Variants in TRAPPC9 observed in about 807,000 individuals in gnomAD.
TRAPPC9 encodes the protein trafficking protein particle complex subunit 9.
TRAPPC9 carries 83 observed loss-of-function variants against 124.0 expected under a neutral mutation model. The ratio of observed to expected loss-of-function variants is 0.67; its 90% CI spans 0.56 to 0.80. The LOEUF is 0.80. Ranked by LOEUF, TRAPPC9 falls within the 30% of genes least tolerant of loss-of-function variation. The pLI, the probability that TRAPPC9 is intolerant of heterozygous loss-of-function variation, is 0.00. For missense variants in TRAPPC9, 1,302 were observed against 1,508.3 expected, an observed-to-expected ratio of 0.86 and a Z score of 2.27; for synonymous variants, 638 against 617.5, an observed-to-expected ratio of 1.03 and a Z score of -0.49.
chr8:140,451,814 T>C (rs1245637924), intron 1 of TRAPPC9, among the ~76,000 whole-genome samples: 1 of 152,078 alleles, frequency 6.6e-6, no homozygotes, highest in East Asian at 1.9e-4. Context: ...AGCTACAAAA[T>C]AGTGGTGATA....
intron 21 of TRAPPC9, among the ~76,000 whole-genome samples, chr8:139,789,277 G>T (rs1822487705): frequency 6.6e-6 from 1 of 152,206 alleles, no homozygotes; most frequent in African/African-American, 2.4e-5. Context: ...TGCCTTGAGG[G>T]GAGCTGCGTG....
chr8:139,993,874 T>C (rs1007333680), intron 18 of TRAPPC9, among the ~76,000 whole-genome samples: 8 of 152,226 alleles, frequency 5.3e-5, no homozygotes, highest in Admixed American at 5.2e-4. Context: ...TAGTCATTCA[T>C]GCTAAGAGAG....
rs1817790281 is a variant in TRAPPC9, at chr8:139,731,114, A to T, written c.3394T>A (p.Ser1132Thr). The change falls in exon 23 of 23, where the codon TCT becomes ACT. Residue 1132 changes from serine to threonine, a missense_variant. Coordinates refer to ENST00000438773, the MANE Select transcript of TRAPPC9 (RefSeq NM_001160372.4). Reference sequence around the variant, plus strand: ...TGCACACTGGGCAGGCAGAACCAAGAGGGTGGCAGCTCCTTGCTGGTGCTG... The same window carrying T: ...TGCACACTGGGCAGGCAGAACCAAGTGGGTGGCAGCTCCTTGCTGGTGCTG... ...EDSTSKELPPSWFCLPSVHVC... is the reference protein window; with the variant it reads ...EDSTSKELPPTWFCLPSVHVC... The T allele has an allele frequency of 4.3e-6, 7 of 1,613,786 alleles. No homozygotes were observed. Among genetic ancestry groups the T allele is most frequent in the African/African-American group, 1.3e-5 (1 of 74,920 alleles).
chr8:139,938,929 G>A (rs1833718858), intron 19 of TRAPPC9, among the ~76,000 whole-genome samples: 1 of 152,260 alleles, frequency 6.6e-6, no homozygotes, highest in East Asian at 1.9e-4. Flanking sequence ...ACAGGCGTGA[G>A]CCACCGCGCC....
intron 19 of TRAPPC9, among the ~76,000 whole-genome samples, chr8:139,974,411 T>A (rs1180286725): frequency 6.6e-6 from 1 of 152,142 alleles, no homozygotes; most frequent in Non-Finnish European, 1.5e-5. Context: ...AGCTGCAGCA[T>A]CAGCAGACAA....
At chr8:139,758,685 C>A (rs1349668979) in intron 21 of TRAPPC9, among the ~76,000 whole-genome samples, 3 of 152,214 alleles carry the variant, frequency 2.0e-5, no homozygotes, top group African/African-American at 7.2e-5. Flanking sequence ...GGCAAGAAAA[C>A]CTTGTGTCAG....
chr8:139,915,361 C>G (rs1832056863), intron 19 of TRAPPC9, among the ~76,000 whole-genome samples: 1 of 152,146 alleles, frequency 6.6e-6, no homozygotes, highest in Admixed American at 6.5e-5. Context: ...ATTCTCGTGC[C>G]TCAGCCTCCC....
chr8:140,104,554 G>A lies in TRAPPC9; in HGVS notation c.2557-80475C>T, dbSNP rs903444187. On this transcript the variant is annotated intron_variant, in intron 17 of 22. Transcript: ENST00000438773. The surrounding 1 kb of genome is among the most constrained non-coding windows in gnomAD (Gnocchi z 4.0). ...GAACTAGCTAGGGAAACAGATGAAA[G>A]AGGCCAAGTTTCTCCCGATATTTTC... Among the ~76,000 whole-genome samples, 18 of 152,144 alleles carry A rather than the reference G, an allele frequency of 1.2e-4. No individual in the cohort carries two copies. The highest frequency in any genetic ancestry group is 2.2e-4 in the Non-Finnish European group (15 of 68,024).
intron 8 of TRAPPC9, among the ~76,000 whole-genome samples, chr8:140,362,893 CG>C (rs2068000071): frequency 6.6e-6 from 1 of 152,170 alleles, no homozygotes; most frequent in African/African-American, 2.4e-5. Context: ...GTTCCTACCA[CG>C]GGCGATTATG....
At chr8:140,340,410 A>G (rs909799601) in intron 9 of TRAPPC9, among the ~76,000 whole-genome samples, 1 of 152,184 alleles carries the variant, frequency 6.6e-6, no homozygotes, top group Non-Finnish European at 1.5e-5. Context: ...AAGTAAAAAT[A>G]TGTAGGTCTC....
intron 18 of TRAPPC9, among the ~76,000 whole-genome samples, chr8:140,012,062 G>A (rs1314492004): frequency 6.6e-6 from 1 of 152,052 alleles, no homozygotes; most frequent in African/African-American, 2.4e-5. Context: ...TGCCCGCCTT[G>A]GCCTCCCAAA....
At chr8:139,912,818 G>C (rs1401363585) in intron 19 of TRAPPC9, among the ~76,000 whole-genome samples, 1 of 152,170 alleles carries the variant, frequency 6.6e-6, no homozygotes, top group Non-Finnish European at 1.5e-5. Flanking sequence ...CGTGCAGCAA[G>C]AGCTTCTAAT....
intron 21 of TRAPPC9, among the ~76,000 whole-genome samples, chr8:139,763,279 G>A (rs1448566338): frequency 6.6e-6 from 1 of 152,208 alleles, no homozygotes; most frequent in Non-Finnish European, 1.5e-5. Flanking sequence ...CGTGGCTCTG[G>A]CGAATATAAA....
chr8:140,052,603 G>A (rs1587600987), intron 17 of TRAPPC9, among the ~76,000 whole-genome samples: 1 of 152,260 alleles, frequency 6.6e-6, no homozygotes, highest in East Asian at 1.9e-4. Context: ...CCAACATGGT[G>A]AAACCCTGTC....
chr8:140,233,660 C>A (rs1054533565), intron 16 of TRAPPC9, among the ~76,000 whole-genome samples: 5 of 146,736 alleles, frequency 3.4e-5, no homozygotes, highest in African/African-American at 1.3e-4. Context: ...CATAAACACA[C>A]CCTCTCTCTC....
chr8:139,779,759 C>G (rs1821661968), intron 21 of TRAPPC9, among the ~76,000 whole-genome samples: 1 of 151,798 alleles, frequency 6.6e-6, no homozygotes, highest in Admixed American at 6.6e-5. Context: ...ACATGGTTGT[C>G]TATTAGAAAA....
chr8:140,043,343 C>T (rs771071173), intron 17 of TRAPPC9, among the ~76,000 whole-genome samples: 9 of 152,192 alleles, frequency 5.9e-5, no homozygotes, highest in Non-Finnish European at 1.3e-4. Context: ...TGGCTAAAGC[C>T]TCAAAGCCAT....
chr8:140,116,963 C>T (rs1171924623), intron 17 of TRAPPC9, among the ~76,000 whole-genome samples: 1 of 151,786 alleles, frequency 6.6e-6, no homozygotes, highest in Non-Finnish European at 1.5e-5. Flanking sequence ...GGAGTTCAGG[C>T]TCTCCCACAC....
intron 17 of TRAPPC9, among the ~76,000 whole-genome samples, chr8:140,176,383 T>C (rs983438094): frequency 6.6e-6 from 1 of 152,208 alleles, no homozygotes; most frequent in African/African-American, 2.4e-5. Context: ...AGTTTCACTT[T>C]GCACATTCCA....
Sources: allele counts gnomAD v4.1 joint callset (sites outside exome capture counted in the v4.1 genomes callset), GRCh38; gene constraint gnomAD v4.1.1; non-coding constraint Gnocchi (gnomAD v3.1); transcripts MANE v1.5; gene names NCBI Gene and HGNC (gene_info 2026-07-23, HGNC 2026-07-21).